Variants in COL4A2 observed in about 807,000 individuals in gnomAD.
COL4A2 encodes collagen type IV alpha 2 chain.
COL4A2 carries 99 observed loss-of-function variants against 200.2 expected under a neutral mutation model. That is an observed-to-expected ratio of 0.49 (90% CI 0.42 to 0.58). COL4A2 has a LOEUF of 0.58. Ranked by LOEUF, COL4A2 falls within the 20% of genes least tolerant of loss-of-function variation. COL4A2 has a pLI of 0.00. For synonymous variants in COL4A2, 897 were observed against 900.6 expected, an observed-to-expected ratio of 1.00 and a Z score of 0.07; for missense variants, 1,950 against 2,314.1, an observed-to-expected ratio of 0.84 and a Z score of 3.23.
chr13:110,506,072 T>G (rs561150699), intron 45 of COL4A2, among the ~76,000 whole-genome samples: 173 of 152,292 alleles, frequency 1.1e-3, no homozygotes, highest in African/African-American at 3.9e-3. Context: ...TAGGCGCACC[T>G]GGAAACTGCC....
chr13:110,470,742 A>G (rs1290412576), intron 28 of COL4A2, among the ~76,000 whole-genome samples: 2 of 152,176 alleles, frequency 1.3e-5, no homozygotes, highest in Non-Finnish European at 2.9e-5. Flanking sequence ...GTGAAGACTA[A>G]TTGAACCCTG....
chr13:110,512,528 A>C lies in COL4A2; in HGVS notation c.*337A>C. 1 of 294,142 alleles carries C rather than the reference A, an allele frequency of 3.4e-6. No homozygotes were observed. The highest frequency in any genetic ancestry group is 6.3e-6 in the Non-Finnish European group (1 of 157,722). 18.2% of individuals were successfully genotyped at this position (294,142 alleles called of 1,614,324 possible). A position where few individuals can be genotyped will look rare whatever the true frequency, so the allele number is the denominator to read the frequency against. ...ATGCCACAGACAACTCACATTGTTC[A>C]ACTCCCTTCTCGGGGTGGGACAGAC... is the stretch of plus-strand genomic sequence containing the variant. On this transcript the variant is annotated 3_prime_UTR_variant, in exon 48 of 48. Coordinates refer to ENST00000360467, the MANE Select transcript of COL4A2 (RefSeq NM_001846.4).
Position 110,512,276 on chromosome 13 carries a change from T to C in COL4A2, c.*85T>C. 2.1e-6 allele frequency: 3 copies of C among 1,422,768 alleles called. No individual in the cohort carries two copies. Among genetic ancestry groups the C allele is most frequent in the Non-Finnish European group, 2.7e-6 (3 of 1,094,740 alleles). 88.1% of individuals were successfully genotyped at this position (1,422,768 alleles called of 1,614,324 possible). ...CCAACCCAAAAATTGGTTTTATTTT[T>C]TTCTTAAAAAAAAAAAAGTCTACCA... On this transcript the variant is annotated 3_prime_UTR_variant, in exon 48 of 48. Coordinates refer to ENST00000360467, the MANE Select transcript of COL4A2 (RefSeq NM_001846.4).
At position 110,493,206 on chromosome 13, in the gene COL4A2, C is replaced by T. The variant is rs750508941; in HGVS notation, c.3563-5C>T. On this transcript the variant is annotated splice_region_variant and splice_polypyrimidine_tract_variant and intron_variant, in intron 38 of 47. Coordinates refer to ENST00000360467, the MANE Select transcript of COL4A2 (RefSeq NM_001846.4). ...AATAAATAACGATGAGTGACACCCC[C>T]GCAGGTTTTCCGGGACTCCGTGGGA... 39 of 1,614,152 alleles carry T rather than the reference C, an allele frequency of 2.4e-5. No homozygotes were observed. Among genetic ancestry groups the T allele is most frequent in the South Asian group, 7.7e-5 (7 of 91,082 alleles).
intron 31 of COL4A2, among the ~76,000 whole-genome samples, chr13:110,481,728 T>A (rs1355702313): frequency 1.6e-4 from 5 of 30,626 alleles, no homozygotes; most frequent in East Asian, 9.9e-4. Flanking sequence ...GGAGACACAC[T>A]GTTCTGTCCC....
At chr13:110,426,487 C>T (rs1035232922) in intron 6 of COL4A2, among the ~76,000 whole-genome samples, 1 of 152,180 alleles carries the variant, frequency 6.6e-6, no homozygotes, top group African/African-American at 2.4e-5. Context: ...ATAAATATCA[C>T]CTGCCATAAG....
intron 4 of COL4A2, among the ~76,000 whole-genome samples, chr13:110,372,244 G>A (rs1164730495): frequency 2.0e-5 from 3 of 152,206 alleles, no homozygotes; most frequent in Non-Finnish European, 4.4e-5. Context: ...CTGTGCGGGG[G>A]TGGGATCAAG....
At chr13:110,450,213 T>C in intron 19 of COL4A2, 92 bp from the exon 20 acceptor site, 1 of 1,094,268 alleles carries the variant, frequency 9.1e-7, no homozygotes, top group South Asian at 1.4e-5. Flanking sequence ...TGAAGCCCGC[T>C]AGTGCCCCAG....
Position 110,450,375 on chromosome 13 carries a change from C to T in COL4A2, c.1260C>T (p.Leu420=), listed in dbSNP as rs1402548952. Residue 420 remains leucine, a synonymous_variant, in exon 20 of 48, where the codon CTC becomes CTT. Transcript: ENST00000360467. ...TCGGAGACCCCGGCATCCCTGCGCT[C>T]TACGGGGGCCCACCTGGACCTGATG... ...GFIGDPGIPA[L]YGGPPGPDGK... 6 of 1,613,672 alleles carry T rather than the reference C, an allele frequency of 3.7e-6. No homozygotes were observed. The highest frequency in any genetic ancestry group is 5.1e-6 in the Non-Finnish European group (6 of 1,179,768).
intron 4 of COL4A2, among the ~76,000 whole-genome samples, chr13:110,401,039 C>T (rs961102155): frequency 5.3e-5 from 8 of 152,194 alleles, no homozygotes; most frequent in Non-Finnish European, 1.0e-4. Flanking sequence ...AACTTTTTTC[C>T]TAACCAGTGA....
chr13:110,308,360 C>G (rs927294542), intron 3 of COL4A2, among the ~76,000 whole-genome samples: 3 of 152,116 alleles, frequency 2.0e-5, no homozygotes, highest in Admixed American at 1.3e-4. Flanking sequence ...CGGCCTTTCA[C>G]GGGAACTGGG....
At chr13:110,491,086 A>C (rs1343364069) in intron 36 of COL4A2, 147 bp from the exon 37 acceptor site, 2 of 649,974 alleles carry the variant, frequency 3.1e-6, no homozygotes, top group East Asian at 5.5e-5. Context: ...TAGGTTAAAA[A>C]TCAGCTAAGG....
At chr13:110,330,201 A>C (rs1231831204) in intron 3 of COL4A2, among the ~76,000 whole-genome samples, 1 of 152,212 alleles carries the variant, frequency 6.6e-6, no homozygotes, top group East Asian at 1.9e-4. Context: ...TTACAGCTGC[A>C]TGACTTCATC....
At chr13:110,351,217 C>G (rs7325191) in intron 3 of COL4A2, among the ~76,000 whole-genome samples, 57 of 152,116 alleles carry the variant, frequency 3.7e-4, no homozygotes, top group African/African-American at 1.3e-3. Context: ...CCCAGCTATT[C>G]TTTTTGTTTG....
intron 8 of COL4A2, 169 bp downstream of exon 8, chr13:110,430,125 A>G (rs1056275173): frequency 1.8e-5 from 14 of 761,636 alleles, no homozygotes; most frequent in South Asian, 3.0e-5. Flanking sequence ...GATGTTTTCA[A>G]TCTTATTTTT....
At position 110,491,320 on chromosome 13, in the gene COL4A2, C is replaced by T; in HGVS notation, c.3434C>T (p.Pro1145Leu). Residue 1145 changes from proline (P) to leucine (L), a missense_variant, in exon 37 of 48, where the codon CCT (proline) becomes CTT (leucine). By Grantham distance (98) the Pro-to-Leu change is moderately conservative. Around this residue, in one of 2 missense-constraint regions of COL4A2, gnomAD observed 1,385 missense variants for 1,720.5 expected, o/e 0.80. Transcript: ENST00000360467. ...GGCGTGACTGGAGTCCAAGGCCCTCCTGGACTTAAAGGACAAACAGGTAAA... is the reference window on the plus strand; with the variant it reads ...GGCGTGACTGGAGTCCAAGGCCCTCTTGGACTTAAAGGACAAACAGGTAAA... Reference protein sequence around the residue: ...ITGVTGVQGPPGLKGQTGFPG... With the variant: ...ITGVTGVQGPLGLKGQTGFPG... 1 of 1,589,572 alleles carries T rather than the reference C, an allele frequency of 6.3e-7. No homozygotes were observed. Among genetic ancestry groups the T allele is most frequent in the Non-Finnish European group, 8.6e-7 (1 of 1,166,324 alleles).
chr13:110,413,806 G>T (rs915267615), intron 4 of COL4A2, among the ~76,000 whole-genome samples: 1 of 152,200 alleles, frequency 6.6e-6, no homozygotes, highest in Non-Finnish European at 1.5e-5. Context: ...GTGGTGAGCA[G>T]CCGGGACTGT....
In COL4A2 at chr13:110,469,308, G is replaced by A. The variant is rs1319150301; in HGVS notation, c.2187G>A (p.Gly729=). 4 of 1,588,962 alleles carry A rather than the reference G, an allele frequency of 2.5e-6. 1 individual carries two copies. In the South Asian group the frequency reaches 4.6e-5, roughly 18 times the overall value. ...TGCCAGGAGACGCAGGTCGTGAAGG[G>A]TTCCCAGGACCCCCAGGTGAGTTGA... The part of the protein sequence containing the change: ...RGLPGDAGRE[G]FPGPPGFIGP... The change falls in exon 28 of 48, where the codon GGG becomes GGA. Residue 729 remains glycine (G), a synonymous_variant. Coordinates refer to ENST00000360467, the MANE Select transcript of COL4A2 (RefSeq NM_001846.4).
intron 20 of COL4A2, among the ~76,000 whole-genome samples, chr13:110,455,650 C>T (rs948065261): frequency 3.9e-5 from 6 of 152,106 alleles, no homozygotes; most frequent in Non-Finnish European, 7.3e-5. Flanking sequence ...AGCATAGGCA[C>T]GGGATAAGTG....
Sources: allele counts gnomAD v4.1 joint callset (sites outside exome capture counted in the v4.1 genomes callset), GRCh38; gene constraint gnomAD v4.1.1; regional missense constraint gnomAD v4.1.1; transcripts MANE v1.5; gene names NCBI Gene and HGNC (gene_info 2026-07-23, HGNC 2026-07-21).